Variants in CATSPERT observed in about 807,000 individuals in gnomAD.
The protein encoded by CATSPERT is catsper channel auxiliary subunit tau, also known as cation channel sperm-associated targeting subunit tau.
At chr2:201,565,893 G>GAA in the CATSPERT span, 1 of 1,560,402 alleles carries the variant, frequency 6.4e-7, no homozygotes, top group Non-Finnish European at 8.7e-7. Flanking sequence ...ATAATAAAGT[G>GAA]AAATATTGAA....
At chr2:201,531,086 G>A in the CATSPERT span, among the ~76,000 whole-genome samples, 3 of 149,958 alleles carry the variant, frequency 2.0e-5, no homozygotes, top group Non-Finnish European at 4.4e-5. Flanking sequence ...TCAGCCTCCT[G>A]AGTAGCTGGG....
the CATSPERT span, chr2:201,547,566 A>G: frequency 6.4e-7 from 1 of 1,554,972 alleles, no homozygotes; most frequent in East Asian, 2.3e-5. Flanking sequence ...AGCTTTATCT[A>G]TCCATGTATT....
At chr2:201,586,229 A>G in the CATSPERT span, among the ~76,000 whole-genome samples, 1 of 152,174 alleles carries the variant, frequency 6.6e-6, no homozygotes, top group Non-Finnish European at 1.5e-5. Context: ...AGTCAACAGT[A>G]GACTATTAGT....
chr2:201,545,629 C>CAAAAAAGA, the CATSPERT span: 1 of 143,212 alleles, frequency 7.0e-6, no homozygotes, highest in Non-Finnish European at 1.1e-5. Context: ...TTCCTAGAAG[C>CAAAAAAGA]AAAAAAAAAA....
the CATSPERT span, among the ~76,000 whole-genome samples, chr2:201,581,027 T>C: frequency 1.1e-4 from 17 of 152,290 alleles, no homozygotes; most frequent in African/African-American, 3.8e-4. Flanking sequence ...TAATAAAACA[T>C]GTTTAACTTT....
chr2:201,494,604 T>C, the CATSPERT span: 1 of 1,537,340 alleles, frequency 6.5e-7, no homozygotes, highest in Non-Finnish European at 8.7e-7. Context: ...TTTTTGATTG[T>C]GCTGGATAAG....
chr2:201,492,852 T>G, the CATSPERT span: 3 of 1,536,606 alleles, frequency 2.0e-6, no homozygotes, highest in Non-Finnish European at 1.7e-6. Context: ...ATTCTGAAAG[T>G]CTTTCTACAA....
chr2:201,570,932 A>G, the CATSPERT span, among the ~76,000 whole-genome samples: 1 of 151,812 alleles, frequency 6.6e-6, no homozygotes, highest in African/African-American at 2.4e-5. Flanking sequence ...TTCCTCCCCA[A>G]CTTCCCTGAC....
chr2:201,536,039 T>C, the CATSPERT span: 3 of 1,613,152 alleles, frequency 1.9e-6, no homozygotes, highest in Non-Finnish European at 2.5e-6. Context: ...GAGATGAGTC[T>C]GCTTTTAAAA....
chr2:201,605,520 C>T, the CATSPERT span, among the ~76,000 whole-genome samples: 1 of 152,090 alleles, frequency 6.6e-6, no homozygotes, highest in Non-Finnish European at 1.5e-5. Flanking sequence ...TTCCCCTTAC[C>T]TCCCATCAAT....
At chr2:201,557,866 T>C in the CATSPERT span, 10 of 152,350 alleles carry the variant, frequency 6.6e-5, no homozygotes, top group South Asian at 2.1e-4. Context: ...TCTTCAAAGC[T>C]ATGCTGTTTA....
chr2:201,543,891 G>A, the CATSPERT span, among the ~76,000 whole-genome samples: 1 of 151,684 alleles, frequency 6.6e-6, no homozygotes, highest in Non-Finnish European at 1.5e-5. Flanking sequence ...TAAGTTCTAG[G>A]GTACATGTGC....
chr2:201,524,422 C>G, the CATSPERT span, among the ~76,000 whole-genome samples: 1 of 152,038 alleles, frequency 6.6e-6, no homozygotes, highest in Non-Finnish European at 1.5e-5. Flanking sequence ...CAAGTGAATG[C>G]TAAGGGAATT....
chr2:201,565,920 C>A, the CATSPERT span: 2 of 1,501,344 alleles, frequency 1.3e-6, no homozygotes, highest in South Asian at 1.3e-5. Flanking sequence ...CAAAAGTCCA[C>A]TTCCAAAATC....
the CATSPERT span, among the ~76,000 whole-genome samples, chr2:201,585,269 G>T: frequency 3.2e-4 from 48 of 152,110 alleles, no homozygotes; most frequent in Non-Finnish European, 5.1e-4. Flanking sequence ...AACCTTAGGA[G>T]AAATACCTAA....
the CATSPERT span, among the ~76,000 whole-genome samples, chr2:201,563,442 CG>C: frequency 2.5e-4 from 10 of 40,500 alleles, no homozygotes; most frequent in African/African-American, 3.4e-4. Flanking sequence ...CCCTCCCGGA[CG>C]GGGCGGCTGG....
At chr2:201,563,138 C>CG in the CATSPERT span, among the ~76,000 whole-genome samples, 4 of 53,012 alleles carry the variant, frequency 7.5e-5, 1 homozygote, top group African/African-American at 2.3e-4. Flanking sequence ...GCTGGCCGGG[C>CG]GGGGGGCTGA....
chr2:201,522,183 T>G, the CATSPERT span, among the ~76,000 whole-genome samples: 1 of 152,044 alleles, frequency 6.6e-6, no homozygotes, highest in South Asian at 2.1e-4. Flanking sequence ...GAGAAAGAAA[T>G]TAAGGACATC....
chr2:201,607,515 C>T, the CATSPERT span, among the ~76,000 whole-genome samples: 1 of 152,058 alleles, frequency 6.6e-6, no homozygotes, highest in Non-Finnish European at 1.5e-5. Context: ...GTAAATTAGC[C>T]TGGTGTGATG....
Sources: gnomAD v4.1 joint callset for allele counts (sites outside exome capture counted in the v4.1 genomes callset) on GRCh38, gnomAD v4.1.1 for gene constraint, MANE v1.5 for transcripts, NCBI Gene and HGNC (gene_info 2026-07-23, HGNC 2026-07-21) for gene names.